KCNN2: variants seen among roughly 807,000 people sequenced by gnomAD.
KCNN2 encodes the protein small conductance calcium-activated potassium channel protein 2.
In KCNN2, 24 loss-of-function variants were observed where a neutral mutation model predicts 55.5. That is an observed-to-expected ratio of 0.43 (90% CI 0.31 to 0.61). The LOEUF is 0.61. Among genes scored for constraint, KCNN2 ranks in the 20% least tolerant of loss-of-function variants. The probability of loss-of-function intolerance (pLI) is 0.08; values close to 1 mark genes in which losing one functional copy is unlikely to be tolerated. For synonymous variants in KCNN2, 431 were observed against 336.1 expected (o/e 1.28, Z -3.09); for missense variants, 754 against 853.6 (o/e 0.88, Z 1.45).
At chr5:114,203,576 AC>A (rs1355506710) in intron 1 of KCNN2, among the ~76,000 whole-genome samples, 3 of 152,166 alleles carry the variant, frequency 2.0e-5, no homozygotes, top group Non-Finnish European at 4.4e-5. Flanking sequence ...TAGTGAACTG[AC>A]TTTCTAGTTC....
At chr5:114,463,816 A>C (rs868442906) in intron 4 of KCNN2, among the ~76,000 whole-genome samples, 1 of 152,168 alleles carries the variant, frequency 6.6e-6, no homozygotes, top group South Asian at 2.1e-4. Context: ...GATGGGATCT[A>C]CTCAGAGAAA....
chr5:114,450,889 A>C (rs1045355561), intron 3 of KCNN2, among the ~76,000 whole-genome samples: 5 of 152,228 alleles, frequency 3.3e-5, no homozygotes, highest in Admixed American at 2.0e-4. Context: ...CCTGTTTATA[A>C]TTTTCTTAGC....
chr5:114,144,943 T>G (rs1428290909), intron 1 of KCNN2, among the ~76,000 whole-genome samples: 1 of 152,076 alleles, frequency 6.6e-6, no homozygotes, highest in Non-Finnish European at 1.5e-5. Context: ...TTTTTGGCTG[T>G]GTGGAAATAG....
intron 2 of KCNN2, among the ~76,000 whole-genome samples, chr5:114,285,815 T>G (rs988695214): frequency 2.0e-5 from 3 of 152,046 alleles, no homozygotes; most frequent in Non-Finnish European, 4.4e-5. Context: ...CTCAATATTC[T>G]CCTTGAGGTG....
intron 1 of KCNN2, among the ~76,000 whole-genome samples, chr5:114,175,317 AT>A (rs1399657397): frequency 6.6e-6 from 1 of 152,206 alleles, no homozygotes; most frequent in Non-Finnish European, 1.5e-5. Context: ...ATAACTATAT[AT>A]AAAGACTTTG....
intron 2 of KCNN2, among the ~76,000 whole-genome samples, chr5:114,369,327 T>C (rs962003428): frequency 5.9e-5 from 9 of 152,246 alleles, no homozygotes; most frequent in Non-Finnish European, 1.2e-4. Context: ...GTAATATCAG[T>C]GCGTTATCTA....
intron 2 of KCNN2, among the ~76,000 whole-genome samples, chr5:114,354,721 T>C (rs1757268089): frequency 6.6e-6 from 1 of 152,152 alleles, no homozygotes. Context: ...AAACAGGTTT[T>C]AGGAAGGACT....
intron 1 of KCNN2, among the ~76,000 whole-genome samples, chr5:114,169,360 A>G (rs1752983250): frequency 6.6e-6 from 1 of 152,118 alleles, no homozygotes; most frequent in Non-Finnish European, 1.5e-5. Context: ...CTGTAGCTCT[A>G]TCAGACAAAA....
intron 2 of KCNN2, among the ~76,000 whole-genome samples, chr5:114,342,068 A>AT (rs1194095594): frequency 1.3e-5 from 2 of 151,924 alleles, no homozygotes; most frequent in African/African-American, 2.4e-5. Context: ...TGCCTGGCTA[A>AT]TTTTTTGTAT....
chr5:114,179,089 G>A (rs915863724), intron 1 of KCNN2, among the ~76,000 whole-genome samples: 3 of 152,064 alleles, frequency 2.0e-5, no homozygotes, highest in African/African-American at 7.2e-5. Flanking sequence ...GTGACAAATT[G>A]GGCCCAAACT....
chr5:114,415,870 G>A (rs1759290056), intron 3 of KCNN2, among the ~76,000 whole-genome samples: 1 of 152,154 alleles, frequency 6.6e-6, no homozygotes, highest in Non-Finnish European at 1.5e-5. Flanking sequence ...CTGAGGCTGT[G>A]TACCCTTGGC....
intron 2 of KCNN2, among the ~76,000 whole-genome samples, chr5:114,387,162 G>A (rs1758313644): frequency 6.6e-6 from 1 of 152,166 alleles, no homozygotes; most frequent in South Asian, 2.1e-4. Context: ...AATACAAATG[G>A]ATAATCTTTA....
At chr5:114,243,726 A>C in intron 2 of KCNN2, among the ~76,000 whole-genome samples, 1 of 152,336 alleles carries the variant, frequency 6.6e-6, no homozygotes, top group Middle Eastern at 3.4e-3. Flanking sequence ...TAGGAAAAAC[A>C]TAGTATATAC....
intron 3 of KCNN2, among the ~76,000 whole-genome samples, chr5:114,421,938 T>C (rs1759483271): frequency 6.6e-6 from 1 of 152,214 alleles, no homozygotes; most frequent in Non-Finnish European, 1.5e-5. Context: ...AGAATGTATC[T>C]GTAATTTGGC....
intron 2 of KCNN2, among the ~76,000 whole-genome samples, chr5:114,247,202 C>CAAAAAA (rs370172975): frequency 0.013 from 896 of 67,466 alleles, 3 homozygotes; most frequent in East Asian, 0.028. Context: ...CATATGTCTC[C>CAAAAAA]AAAAAAAAAA....
intron 1 of KCNN2, among the ~76,000 whole-genome samples, chr5:114,061,251 G>T (rs1474623709): frequency 6.6e-6 from 1 of 152,014 alleles, no homozygotes; most frequent in African/African-American, 2.4e-5. Context: ...ACATTCATGG[G>T]ATCACTCCTA....
At chr5:114,068,612 G>A (rs766983941) in intron 1 of KCNN2, among the ~76,000 whole-genome samples, 2 of 152,146 alleles carry the variant, frequency 1.3e-5, no homozygotes, top group Non-Finnish European at 2.9e-5. Context: ...TTCTGCACCT[G>A]CTCCTATCTC....
chr5:114,288,579 G>T (rs903378698), intron 2 of KCNN2, among the ~76,000 whole-genome samples: 2 of 151,566 alleles, frequency 1.3e-5, no homozygotes, highest in Admixed American at 1.3e-4. Context: ...GTGTAAGGTG[G>T]TATGTCATTG....
At chr5:114,236,440 G>T (rs954452571) in intron 2 of KCNN2, among the ~76,000 whole-genome samples, 1 of 151,614 alleles carries the variant, frequency 6.6e-6, no homozygotes, top group Non-Finnish European at 1.5e-5. Context: ...TCTAGGTTCA[G>T]ATCATATGCT....
Sources: gnomAD v4.1 joint callset for allele counts (sites outside exome capture counted in the v4.1 genomes callset) on GRCh38, gnomAD v4.1.1 for gene constraint, MANE v1.5 for transcripts, NCBI Gene and HGNC (gene_info 2026-07-23, HGNC 2026-07-21) for gene names.